Variants in BORCS5 observed in about 807,000 individuals in gnomAD.
The protein encoded by BORCS5 is BLOC-1-related complex subunit 5.
A neutral mutation model predicts 22.1 loss-of-function variants in BORCS5; 17 were observed. The observed-to-expected ratio is 0.77, with a 90% CI of 0.53 to 1.15. BORCS5 has a LOEUF of 1.15. BORCS5 is among the 50% of genes most tolerant of loss of function. The pLI is 0.00. For missense variants in BORCS5, 247 were observed against 253.2 expected (o/e 0.98, Z 0.17); for synonymous variants, 117 against 99.8 (o/e 1.17, Z -1.03).
At position 12,468,412 on chromosome 12, in the gene BORCS5, A is replaced by G. The variant is rs1051259515; in HGVS notation, c.*2636A>G. 6.6e-6 allele frequency: 1 copy of G among 152,130 alleles called. No homozygotes were observed. Among genetic ancestry groups the G allele is most frequent in the South Asian group, 2.1e-4 (1 of 4,826 alleles). The allele number at this position is 152,130 out of a possible 1,614,324, so 9.4% of individuals were successfully genotyped here. ...CTGGCCGTTATGGGATATTTCAGGG[A>G]TAGGAGTTGTGAAAGAGCCCTTGGC... On this transcript the variant is annotated 3_prime_UTR_variant, in exon 4 of 4. Transcript: ENST00000314565.
At chr12:12,377,831 T>C (rs1863688783) in intron 2 of BORCS5, among the ~76,000 whole-genome samples, 1 of 152,108 alleles carries the variant, frequency 6.6e-6, no homozygotes, top group African/African-American at 2.4e-5. Flanking sequence ...AAGAAAGCAA[T>C]GAGCCAAGGT....
chr12:12,438,360 C>CAAAAAAAAAAAAAAAAACAAAA (rs1942598869), intron 3 of BORCS5, among the ~76,000 whole-genome samples: 1 of 23,810 alleles, frequency 4.2e-5, no homozygotes. Flanking sequence ...GATTTCATCT[C>CAAAAAAAAAAAAAAAAACAAAA]AAAAAAAAAA....
intron 2 of BORCS5, among the ~76,000 whole-genome samples, chr12:12,376,761 T>C (rs1863663522): frequency 6.6e-6 from 1 of 152,174 alleles, no homozygotes; most frequent in African/African-American, 2.4e-5. Context: ...TGGCCTTCCT[T>C]TAGTGTAGTA....
intron 1 of BORCS5, among the ~76,000 whole-genome samples, chr12:12,357,904 C>T (rs1200026441): frequency 2.0e-5 from 3 of 152,150 alleles, no homozygotes; most frequent in Admixed American, 1.3e-4. Context: ...TTAGAGGTTC[C>T]TTTTCTGAAG....
intron 2 of BORCS5, among the ~76,000 whole-genome samples, chr12:12,397,264 T>C (rs1234234015): frequency 7.9e-5 from 12 of 152,144 alleles, no homozygotes; most frequent in Admixed American, 7.9e-4. Flanking sequence ...GGATCTAAAC[T>C]GATTCCCCTA....
chr12:12,410,275 G>T (rs1941697371), intron 2 of BORCS5, among the ~76,000 whole-genome samples: 1 of 152,096 alleles, frequency 6.6e-6, no homozygotes, highest in Non-Finnish European at 1.5e-5. Context: ...CATTGCTTTT[G>T]GTGTTTTTGA....
intron 2 of BORCS5, among the ~76,000 whole-genome samples, chr12:12,372,188 C>T (rs538433143): frequency 4.5e-4 from 69 of 152,174 alleles, no homozygotes; most frequent in Non-Finnish European, 7.8e-4. Context: ...TTCAGCCACC[C>T]GCCACCATGC....
intron 3 of BORCS5, among the ~76,000 whole-genome samples, chr12:12,441,746 GT>G (rs1942687964): frequency 6.6e-6 from 1 of 151,292 alleles, no homozygotes; most frequent in Non-Finnish European, 1.5e-5. Context: ...GCCCACTGTG[GT>G]TTCCTTCAAA....
chr12:12,397,637 G>A (rs556704380), intron 2 of BORCS5, among the ~76,000 whole-genome samples: 5 of 152,280 alleles, frequency 3.3e-5, no homozygotes, highest in African/African-American at 9.6e-5. Context: ...TTCCATCATT[G>A]TCGAACACAT....
chr12:12,441,028 G>A (rs890528625), intron 3 of BORCS5, among the ~76,000 whole-genome samples: 15 of 152,282 alleles, frequency 9.9e-5, no homozygotes, highest in African/African-American at 3.1e-4. Context: ...GAAGGAGAAA[G>A]GGGGATTCTT....
At chr12:12,362,028 T>G (rs1038487868) in intron 2 of BORCS5, among the ~76,000 whole-genome samples, 3 of 152,210 alleles carry the variant, frequency 2.0e-5, no homozygotes, top group African/African-American at 7.2e-5. Context: ...AGTTCTCTCC[T>G]CCCTCACCCC....
In BORCS5 at chr12:12,435,742, C is replaced by A. The variant is rs1942541297; in HGVS notation, c.317C>A (p.Ala106Asp). 1 of 1,613,946 alleles carries A rather than the reference C, an allele frequency of 6.2e-7. No homozygotes were observed. The highest frequency in any genetic ancestry group is 8.5e-7 in the Non-Finnish European group (1 of 1,179,950). Residue 106 changes from alanine to aspartate, a missense_variant, in exon 3 of 4, where the codon GCC (alanine) becomes GAC (aspartate). Coordinates refer to ENST00000314565, the MANE Select transcript of BORCS5 (RefSeq NM_058169.6). Reference sequence around the variant, plus strand: ...GATCACCTGCATCAGTGTGCAGAGGCCGTTGCTTTTGACCAGAATGCTTTG... The same window carrying A: ...GATCACCTGCATCAGTGTGCAGAGGACGTTGCTTTTGACCAGAATGCTTTG... ...YQDHLHQCAE[A>D]VAFDQNALVK...
Position 12,435,767 on chromosome 12 carries a change from G to A in BORCS5, c.342G>A (p.Leu114=), listed in dbSNP as rs369543619. ...CCGTTGCTTTTGACCAGAATGCTTT[G>A]GTTAAACGAATCAAAGAGGTAATGT... is the stretch of plus-strand genomic sequence containing the variant. ...AEAVAFDQNA[L]VKRIKEMDLS... The change falls in exon 3 of 4, where the codon TTG becomes TTA. Residue 114 remains leucine, a synonymous_variant. Transcript: ENST00000314565. 4.3e-6 allele frequency: 7 copies of A among 1,612,616 alleles called. No individual in the cohort carries two copies. Among genetic ancestry groups the A allele is most frequent in the Non-Finnish European group, 5.1e-6 (6 of 1,179,524 alleles).
intron 2 of BORCS5, among the ~76,000 whole-genome samples, chr12:12,402,778 CTTTA>C (rs1390440999): frequency 1.1e-4 from 17 of 152,258 alleles, no homozygotes; most frequent in African/African-American, 3.8e-4. Flanking sequence ...AGTATTTGAA[CTTTA>C]TTTCTCTATT....
chr12:12,373,404 G>A (rs1358113911), intron 2 of BORCS5, among the ~76,000 whole-genome samples: 1 of 152,160 alleles, frequency 6.6e-6, no homozygotes, highest in Non-Finnish European at 1.5e-5. Context: ...TAATAAGCTG[G>A]GAAAATGGTA....
intron 2 of BORCS5, among the ~76,000 whole-genome samples, chr12:12,396,169 G>A (rs576198962): frequency 4.6e-5 from 7 of 151,586 alleles, no homozygotes; most frequent in Non-Finnish European, 8.8e-5. Flanking sequence ...TGTATTTTTA[G>A]TAGAGATGGG....
At chr12:12,365,345 A>AT (rs376865029) in intron 2 of BORCS5, among the ~76,000 whole-genome samples, 8,119 of 140,686 alleles carry the variant, frequency 0.058, 297 homozygotes, top group East Asian at 0.18. Context: ...ATTAAAATAC[A>AT]TTTTTTTTTT....
chr12:12,401,276 A>G (rs1941468324), intron 2 of BORCS5, among the ~76,000 whole-genome samples: 1 of 152,148 alleles, frequency 6.6e-6, no homozygotes, highest in South Asian at 2.1e-4. Flanking sequence ...CTTACTAGCT[A>G]TATATTAGAG....
At chr12:12,417,480 T>G (rs1188492139) in intron 2 of BORCS5, among the ~76,000 whole-genome samples, 3 of 152,166 alleles carry the variant, frequency 2.0e-5, no homozygotes, top group Non-Finnish European at 2.9e-5. Flanking sequence ...TGAGTCAGTT[T>G]GTTGTGTGTT....
Sources: allele counts gnomAD v4.1 joint callset (sites outside exome capture counted in the v4.1 genomes callset), GRCh38; gene constraint gnomAD v4.1.1; transcripts MANE v1.5; gene names NCBI Gene and HGNC (gene_info 2026-07-23, HGNC 2026-07-21).